The following KIAA1217 variants were observed in gnomAD, a reference collection of about 807,000 sequenced individuals.
The protein encoded by KIAA1217 is sickle tail protein homolog.
Under a neutral mutation model 163.9 loss-of-function variants are expected in KIAA1217, and 88 were observed. That is an observed-to-expected ratio of 0.54 (90% CI 0.45 to 0.64). The LOEUF (loss-of-function observed/expected upper bound fraction) is 0.64. Ranked by LOEUF, KIAA1217 falls within the 30% of genes least tolerant of loss-of-function variation. The pLI is 0.00. For missense variants in KIAA1217, 2,372 were observed against 2,475.0 expected (o/e 0.96, Z 0.88); for synonymous variants, 903 against 923.1 (o/e 0.98, Z 0.39).
intron 1 of KIAA1217, among the ~76,000 whole-genome samples, chr10:24,219,229 T>A (rs2069244315): frequency 6.6e-6 from 1 of 152,130 alleles, no homozygotes; most frequent in Non-Finnish European, 1.5e-5. Flanking sequence ...TTGTCTTGCC[T>A]CAGCCTCCCG....
At chr10:24,215,436 C>A (rs1430644769) in intron 1 of KIAA1217, among the ~76,000 whole-genome samples, 1 of 152,284 alleles carries the variant, frequency 6.6e-6, no homozygotes, top group South Asian at 2.1e-4. Context: ...AACACCAAAG[C>A]GCATTCCAAA....
chr10:24,166,828 C>T (rs1238275584), intron 2 of KIAA1217, among the ~76,000 whole-genome samples: 1 of 151,868 alleles, frequency 6.6e-6, no homozygotes, highest in Non-Finnish European at 1.5e-5. Flanking sequence ...TCCCAATTAC[C>T]CTGATTTGAT....
chr10:24,515,465 G>C lies in KIAA1217; in HGVS notation c.2177+2031G>C, dbSNP rs181718821. On this transcript the variant is annotated intron_variant, in intron 10 of 20. Transcript: ENST00000376454. Reference sequence around the variant, plus strand: ...CCATCTTTAATCTCAATAATACTCTGAGATTACAGCCTAGCATAGGAATGA... The same window carrying C: ...CCATCTTTAATCTCAATAATACTCTCAGATTACAGCCTAGCATAGGAATGA... Among the ~76,000 whole-genome samples, 609 of 152,282 alleles carry C rather than the reference G, an allele frequency of 4.0e-3. 17 individuals are homozygous for C. The highest frequency in any genetic ancestry group is 0.038 in the Admixed American group (575 of 15,306).
At chr10:23,931,474 G>A (rs576848587) in intron 1 of KIAA1217, among the ~76,000 whole-genome samples, 4 of 152,244 alleles carry the variant, frequency 2.6e-5, no homozygotes, top group African/African-American at 9.6e-5. Flanking sequence ...CCTACACCCT[G>A]TCTTGCACTG....
intron 2 of KIAA1217, among the ~76,000 whole-genome samples, chr10:24,269,059 TG>T (rs1324101059): frequency 1.4e-5 from 1 of 70,154 alleles, no homozygotes; most frequent in Non-Finnish European, 2.6e-5. Flanking sequence ...GGGACTGTGG[TG>T]GGGTGGGGGG....
chr10:23,730,676 T>G, intron 1 of KIAA1217, among the ~76,000 whole-genome samples: 1 of 152,230 alleles, frequency 6.6e-6, no homozygotes, highest in East Asian at 1.9e-4. Flanking sequence ...CATCATAATT[T>G]TGTAGTTTTT....
rs56195155 is a variant in KIAA1217 at position 24,417,859 on chromosome 10, A to ATTT, written c.554-15125_554-15123dup. On this transcript the variant is annotated intron_variant, in intron 3 of 20. Transcript: ENST00000376454. The stretch of plus-strand genomic sequence containing the variant: ...ATATTTGTTGTCAAAGAATAGCTTG[A>ATTT]TTTTTTTTTTTTTGGTTATTAACAT... 2.0e-4 allele frequency among the ~76,000 whole-genome samples: 30 copies of ATTT among 147,974 alleles called. 1 individual carries two copies. Among genetic ancestry groups the ATTT allele is most frequent in the East Asian group, 1.2e-3 (6 of 5,034 alleles).
chr10:23,972,925 G>A (rs1845379943), intron 1 of KIAA1217, among the ~76,000 whole-genome samples: 1 of 152,154 alleles, frequency 6.6e-6, no homozygotes, highest in Non-Finnish European at 1.5e-5. Flanking sequence ...CATGGACACA[G>A]GGAGTGGAAC....
intron 2 of KIAA1217, among the ~76,000 whole-genome samples, chr10:24,326,951 G>A (rs188704772): frequency 3.8e-4 from 58 of 152,308 alleles, no homozygotes; most frequent in Non-Finnish European, 6.0e-4. Context: ...TCTACATTGA[G>A]AGTGTTTTAT....
intron 3 of KIAA1217, among the ~76,000 whole-genome samples, chr10:24,405,297 T>C (rs1203059686): frequency 1.3e-5 from 2 of 152,056 alleles, no homozygotes; most frequent in African/African-American, 4.8e-5. Context: ...CTTATTATAA[T>C]TTTTTTCAAA....
chr10:23,767,183 T>A (rs1223311678), intron 1 of KIAA1217, among the ~76,000 whole-genome samples: 1 of 152,138 alleles, frequency 6.6e-6, no homozygotes, highest in Non-Finnish European at 1.5e-5. Context: ...TGAATACGTA[T>A]AAAGTGCATC....
At chr10:24,044,117 A>G (rs1176199420) in intron 2 of KIAA1217, among the ~76,000 whole-genome samples, 4 of 152,182 alleles carry the variant, frequency 2.6e-5, no homozygotes, top group Admixed American at 6.5e-5. Context: ...TTTTTGAAAG[A>G]CATCATCATC....
intron 2 of KIAA1217, among the ~76,000 whole-genome samples, chr10:24,313,577 G>C (rs931016523): frequency 5.3e-5 from 8 of 152,146 alleles, no homozygotes; most frequent in African/African-American, 9.7e-5. Flanking sequence ...GGAAACTCTT[G>C]TGTATTTTCA....
At chr10:24,443,193 C>T (rs1223579887) in intron 5 of KIAA1217, among the ~76,000 whole-genome samples, 2 of 152,084 alleles carry the variant, frequency 1.3e-5, no homozygotes, top group African/African-American at 4.8e-5. Flanking sequence ...TGGGCTACTG[C>T]GCCTGGACAG....
At chr10:23,811,949 G>T (rs1837080041) in intron 1 of KIAA1217, among the ~76,000 whole-genome samples, 1 of 152,112 alleles carries the variant, frequency 6.6e-6, no homozygotes, top group Non-Finnish European at 1.5e-5. Flanking sequence ...GCTTGACGGG[G>T]TAGTGCATGC....
intron 1 of KIAA1217, among the ~76,000 whole-genome samples, chr10:23,880,830 G>A (rs1840917344): frequency 6.6e-6 from 1 of 151,998 alleles, no homozygotes; most frequent in African/African-American, 2.4e-5. Flanking sequence ...TTGATGGACA[G>A]TTCAAGGTCA....
At chr10:24,479,440 C>T (rs190810889) in intron 6 of KIAA1217, among the ~76,000 whole-genome samples, 33 of 152,248 alleles carry the variant, frequency 2.2e-4, no homozygotes, top group Admixed American at 1.1e-3. Flanking sequence ...TACTTGCTTT[C>T]CTTTCTTGCT....
At chr10:24,265,559 G>A (rs1424330643) in intron 2 of KIAA1217, among the ~76,000 whole-genome samples, 2 of 152,224 alleles carry the variant, frequency 1.3e-5, no homozygotes, top group African/African-American at 2.4e-5. Context: ...AGAGTCAAGG[G>A]TGAAGGGGCA....
rs754847750 is a variant in KIAA1217 at position 24,438,453 on chromosome 10, C to G, written c.820C>G (p.Pro274Ala). Residue 274 changes from proline to alanine, a missense_variant, in exon 5 of 21, where the codon CCA (proline) becomes GCA (alanine). Pro to Ala is a conservative substitution (Grantham distance 27). Coordinates refer to ENST00000376454, the MANE Select transcript of KIAA1217 (RefSeq NM_019590.5). Reference sequence around the variant, plus strand: ...TCCTGCACATGCGTTTAATCACACACCAAAAACTATGAATGGAGACATGAG... The same window carrying G: ...TCCTGCACATGCGTTTAATCACACAGCAAAAACTATGAATGGAGACATGAG... ...KDPAHAFNHTPKTMNGDMRMQ... is the reference protein window; with the variant it reads ...KDPAHAFNHTAKTMNGDMRMQ... 1.2e-6 allele frequency: 2 copies of G among 1,612,076 alleles called. No homozygotes were observed. Among genetic ancestry groups the G allele is most frequent in the South Asian group, 2.2e-5 (2 of 91,040 alleles).
Sources: allele counts gnomAD v4.1 joint callset (sites outside exome capture counted in the v4.1 genomes callset), GRCh38; gene constraint gnomAD v4.1.1; transcripts MANE v1.5; gene names NCBI Gene and HGNC (gene_info 2026-07-23, HGNC 2026-07-21).